Variants in CPEB2 observed in about 807,000 individuals in gnomAD.
CPEB2 encodes cytoplasmic polyadenylation element-binding protein 2.
A neutral mutation model predicts 93.6 loss-of-function variants in CPEB2; 56 were observed. That is an observed-to-expected ratio of 0.60 (90% CI 0.48 to 0.75). The LOEUF (loss-of-function observed/expected upper bound fraction) is 0.75, where lower values mean the gene tolerates loss of function less well. CPEB2 is among the 30% of genes least tolerant of loss of function. CPEB2 has a pLI of 0.00. For synonymous variants in CPEB2, 764 were observed against 586.3 expected (o/e 1.30, Z -4.38); for missense variants, 1,579 against 1,395.1 (o/e 1.13, Z -2.10).
Position 15,066,397 on chromosome 4 carries a change from T to C in CPEB2, c.*17T>C. 6.4e-7 allele frequency: 1 copy of C among 1,553,790 alleles called. No individual in the cohort carries two copies. Among genetic ancestry groups the C allele is most frequent in the Non-Finnish European group, 8.8e-7 (1 of 1,139,806 alleles). ...TGGAACTAAGAATAGCAAACTGGCC[T>C]CTGTTTAACAAGGAAAGAAAGGGTG... On this transcript the variant is annotated 3_prime_UTR_variant, in exon 12 of 12. Coordinates refer to ENST00000538197, the MANE Select transcript of CPEB2 (RefSeq NM_001177382.2).
At chr4:15,007,681 T>C (rs116235156) in intron 2 of CPEB2, 95 bp downstream of exon 2, 45,310 of 731,708 alleles carry the variant, frequency 0.062, 1,563 homozygotes, top group Non-Finnish European at 0.068. Context: ...AATTAACATT[T>C]TTTGAAATAA....
chr4:15,036,784 A>AT (rs1726653563), intron 5 of CPEB2, among the ~76,000 whole-genome samples: 1 of 152,176 alleles, frequency 6.6e-6, no homozygotes, highest in Admixed American at 6.5e-5. Context: ...ACATACAGCT[A>AT]TGTATGTCAT....
intron 6 of CPEB2, among the ~76,000 whole-genome samples, chr4:15,047,004 C>T (rs1307728564): frequency 6.6e-6 from 1 of 152,098 alleles, no homozygotes. Flanking sequence ...TATTTTTCCC[C>T]CTCCAACTAG....
chr4:15,046,215 A>C (rs1286790185), intron 6 of CPEB2, among the ~76,000 whole-genome samples: 1 of 151,994 alleles, frequency 6.6e-6, no homozygotes, highest in Non-Finnish European at 1.5e-5. Flanking sequence ...GTAGAGTATG[A>C]GACTGTGTTG....
chr4:15,054,093 C>A, intron 7 of CPEB2, 35 bp from the exon 8 acceptor site: 1 of 1,422,684 alleles, frequency 7.0e-7, no homozygotes. Context: ...ATCACTGAAA[C>A]TAATTTCTAA....
chr4:15,023,937 A>C (rs776737830), intron 4 of CPEB2, among the ~76,000 whole-genome samples: 2 of 152,110 alleles, frequency 1.3e-5, no homozygotes, highest in Non-Finnish European at 2.9e-5. Context: ...TACTGAGATA[A>C]GGCAAATAAT....
intron 4 of CPEB2, among the ~76,000 whole-genome samples, chr4:15,019,374 G>A (rs1487211620): frequency 3.4e-5 from 5 of 149,122 alleles, no homozygotes; most frequent in Non-Finnish European, 1.5e-5. Context: ...ATATTATGTT[G>A]TATATTTTCT....
At position 15,002,752 on chromosome 4, in the gene CPEB2, G is replaced by A; in HGVS notation, c.79G>A (p.Ala27Thr). ...TCCTGGGCCCCTGTTCTGCGGCGAGGCGTATGGTCCTTACGCCGTGGGGTC... is the reference window on the plus strand; with the variant it reads ...TCCTGGGCCCCTGTTCTGCGGCGAGACGTATGGTCCTTACGCCGTGGGGTC... ...SSPGPLFCGE[A>T]YGPYAVGSVN... Residue 27 changes from alanine to threonine, a missense_variant, in exon 1 of 12, where the codon GCG (alanine) becomes ACG (threonine). By Grantham distance (58) the Ala-to-Thr change is moderately conservative (BLOSUM62 0). Transcript: ENST00000538197. The A allele has an allele frequency of 6.5e-7, 1 of 1,535,408 alleles. No individual in the cohort carries two copies.
chr4:15,065,745 G>A (rs963206314), intron 11 of CPEB2, among the ~76,000 whole-genome samples: 2 of 152,044 alleles, frequency 1.3e-5, no homozygotes, highest in Admixed American at 6.6e-5. Context: ...AGTGTGACTC[G>A]CACCTGCAGT....
chr4:15,015,319 A>G (rs898688931), intron 3 of CPEB2, among the ~76,000 whole-genome samples: 4 of 152,066 alleles, frequency 2.6e-5, no homozygotes, highest in Non-Finnish European at 5.9e-5. Flanking sequence ...TCACTGTTCT[A>G]GAGAGCAGCT....
At chr4:15,025,833 T>C (rs1298118183) in intron 4 of CPEB2, among the ~76,000 whole-genome samples, 1 of 152,068 alleles carries the variant, frequency 6.6e-6, no homozygotes, top group African/African-American at 2.4e-5. Flanking sequence ...GTTTCAGTGA[T>C]TTCTGGTCTA....
chr4:15,009,599 G>T (rs1202352002), intron 3 of CPEB2, among the ~76,000 whole-genome samples: 1 of 152,160 alleles, frequency 6.6e-6, no homozygotes, highest in Non-Finnish European at 1.5e-5. Context: ...ATGTTTAGGA[G>T]AAGAAAATTA....
rs1729864308 is a variant in CPEB2, at chr4:15,068,457, C to T, written c.*2077C>T. On this transcript the variant is annotated 3_prime_UTR_variant, in exon 12 of 12. Coordinates refer to ENST00000538197, the MANE Select transcript of CPEB2 (RefSeq NM_001177382.2). ...GATCCATTTTGACATTTGTTATGCA[C>T]TATTTTTATATCTCTGTGAGAGATT... The T allele has an allele frequency of 6.6e-6, 1 of 152,164 alleles. No homozygotes were observed. Among genetic ancestry groups the T allele is most frequent in the Non-Finnish European group, 1.5e-5 (1 of 67,822 alleles). The allele number at this position is 152,164 out of a possible 1,614,324, so 9.4% of individuals were successfully genotyped here.
chr4:15,004,118 G>A lies in CPEB2; in HGVS notation c.1445G>A (p.Gly482Asp). Residue 482 changes from glycine (G) to aspartate (D), a missense_variant, in exon 1 of 12, where the codon GGC (glycine) becomes GAC (aspartate). By Grantham distance (94) the Gly-to-Asp change is moderately conservative (BLOSUM62 -1). Coordinates refer to ENST00000538197, the MANE Select transcript of CPEB2 (RefSeq NM_001177382.2). ...GCTGLSVPTS[G>D]GGGGGFGGPF... ...ACTGGGCTCAGCGTTCCGACGAGCG[G>A]CGGCGGCGGCGGCGGCTTCGGCGGC... 2 of 1,533,150 alleles carry A rather than the reference G, an allele frequency of 1.3e-6. No individual in the cohort carries two copies. The highest frequency in any genetic ancestry group is 1.7e-6 in the Non-Finnish European group (2 of 1,144,610). 95.0% of individuals were successfully genotyped at this position (1,533,150 alleles called of 1,614,324 possible). A position where few individuals can be genotyped will look rare whatever the true frequency, so the allele number is the denominator to read the frequency against.
At position 15,003,113 on chromosome 4, in the gene CPEB2, C is replaced by A. The variant is rs745866396; in HGVS notation, c.440C>A (p.Pro147His). ...SQDFKPSLHH[P>H]SSSSASSCCC... ...GACTTCAAACCGAGTCTGCACCACC[C>A]CTCCTCCTCCTCCGCCTCCTCCTGC... is the stretch of plus-strand genomic sequence containing the variant. Residue 147 changes from proline (P) to histidine (H), a missense_variant, in exon 1 of 12, where the codon CCC (proline) becomes CAC (histidine). By Grantham distance (77) the Pro-to-His change is moderately conservative. Coordinates refer to ENST00000538197, the MANE Select transcript of CPEB2 (RefSeq NM_001177382.2). 1.3e-6 allele frequency: 2 copies of A among 1,527,318 alleles called. No homozygotes were observed. The highest frequency in any genetic ancestry group is 1.2e-5 in the South Asian group (1 of 83,412). 94.6% of individuals were successfully genotyped at this position (1,527,318 alleles called of 1,614,324 possible).
At chr4:15,035,097 C>T (rs995935843) in intron 5 of CPEB2, among the ~76,000 whole-genome samples, 37 of 152,294 alleles carry the variant, frequency 2.4e-4, no homozygotes, top group Middle Eastern at 3.4e-3. Flanking sequence ...ACACATTTAA[C>T]TCACTTTGAG....
intron 5 of CPEB2, among the ~76,000 whole-genome samples, chr4:15,036,353 A>G (rs917260552): frequency 1.3e-5 from 2 of 152,214 alleles, no homozygotes; most frequent in Non-Finnish European, 2.9e-5. Flanking sequence ...TGAAGAATTC[A>G]AATATGTTGA....
In CPEB2 at chr4:15,004,082, C is replaced by A; in HGVS notation, c.1409C>A (p.Pro470Gln). 1 of 1,565,200 alleles carries A rather than the reference C, an allele frequency of 6.4e-7. No individual in the cohort carries two copies. The highest frequency in any genetic ancestry group is 8.6e-7 in the Non-Finnish European group (1 of 1,158,786). The change falls in exon 1 of 12, where the codon CCG (proline) becomes CAG (glutamine). Residue 470 changes from proline (P) to glutamine (Q), a missense_variant. This residue lies in a region of CPEB2 where 1,411 missense variants were observed against 1,056.0 expected (regional missense o/e 1.34). Transcript: ENST00000538197. ...AFFPSFSPVS[P>Q]HGCTGLSVPT... is the part of the protein sequence containing the mutation. ...TTCCCTAGCTTCTCGCCCGTGTCGCCGCACGGCTGCACTGGGCTCAGCGTT... is the reference window on the plus strand; with the variant it reads ...TTCCCTAGCTTCTCGCCCGTGTCGCAGCACGGCTGCACTGGGCTCAGCGTT...
chr4:15,065,742 C>T (rs1016192174), intron 11 of CPEB2, among the ~76,000 whole-genome samples: 1 of 152,076 alleles, frequency 6.6e-6, no homozygotes, highest in Non-Finnish European at 1.5e-5. Flanking sequence ...CAGAGTGTGA[C>T]TCGCACCTGC....
Sources: gnomAD v4.1 joint callset for allele counts (sites outside exome capture counted in the v4.1 genomes callset) on GRCh38, gnomAD v4.1.1 for gene constraint, gnomAD v4.1.1 regional missense constraint, MANE v1.5 for transcripts, NCBI Gene and HGNC (gene_info 2026-07-23, HGNC 2026-07-21) for gene names.